Variants in NCOR1 observed in about 807,000 individuals in gnomAD.
NCOR1 encodes the protein protein phosphatase 1, regulatory subunit 109.
NCOR1 carries 63 observed loss-of-function variants against 288.1 expected under a neutral mutation model. The ratio of observed to expected loss-of-function variants is 0.22; its 90% CI spans 0.18 to 0.27. NCOR1 has a LOEUF of 0.27. Ranked by LOEUF, NCOR1 falls within the 10% of genes least tolerant of loss-of-function variation. The probability of loss-of-function intolerance (pLI) is 1.00; values close to 1 mark genes in which losing one functional copy is unlikely to be tolerated. For synonymous variants in NCOR1, 1,007 were observed against 1,065.9 expected (o/e 0.94, Z 1.08); for missense variants, 2,397 against 3,019.2 (o/e 0.79, Z 4.83).
At chr17:16,143,723 A>G (rs776941278) in intron 10 of NCOR1, 27 bp from the exon 11 acceptor site, 3 of 1,513,668 alleles carry the variant, frequency 2.0e-6, no homozygotes, top group South Asian at 1.2e-5. Context: ...AATTAAAAAT[A>G]TATTTAAAGA....
chr17:16,140,997 C>CAAAAAAAAAAAAAAAAAAG (rs372397821), intron 11 of NCOR1, among the ~76,000 whole-genome samples: 1 of 113,700 alleles, frequency 8.8e-6, no homozygotes, highest in Admixed American at 9.2e-5. Flanking sequence ...TCTCCTATCT[C>CAAAAAAAAAAAAAAAAAAG]AAAAAAAAAA....
chr17:16,053,091 C>T (rs1295035573), intron 40 of NCOR1, among the ~76,000 whole-genome samples: 2 of 152,190 alleles, frequency 1.3e-5, no homozygotes, highest in East Asian at 1.9e-4. Context: ...CAACATCATA[C>T]TGAATGGGCA....
intron 41 of NCOR1, among the ~76,000 whole-genome samples, chr17:16,047,408 GCT>G (rs2058795541): frequency 6.6e-6 from 1 of 152,148 alleles, no homozygotes; most frequent in Non-Finnish European, 1.5e-5. Flanking sequence ...AGCTTATGAT[GCT>G]CTCTCCTTAA....
At chr17:16,190,515 G>A (rs1045342717) in intron 2 of NCOR1, among the ~76,000 whole-genome samples, 3 of 137,186 alleles carry the variant, frequency 2.2e-5, no homozygotes. Context: ...TTTTTTTTTT[G>A]TATTTTTAGT....
rs142164650 is a variant in NCOR1 at position 16,210,245 on chromosome 17, G to A, written c.-71+5117C>T. On this transcript the variant is annotated intron_variant, in intron 1 of 45. Coordinates refer to ENST00000268712, the MANE Select transcript of NCOR1 (RefSeq NM_006311.4). ...CTAAAAAATACAAAATTAGCAGGGC[G>A]TGGTGGTGCATGCCTGTAATCCCAG... is the stretch of plus-strand genomic sequence containing the variant. Among the ~76,000 whole-genome samples, 842 of 151,528 alleles carry A rather than the reference G, an allele frequency of 5.6e-3. 8 individuals are homozygous for A. The highest frequency in any genetic ancestry group is 0.019 in the African/African-American group (779 of 41,328).
At chr17:16,098,561 A>AT in intron 20 of NCOR1, 65 bp from the exon 21 acceptor site, 1 of 1,444,892 alleles carries the variant, frequency 6.9e-7, no homozygotes, top group Non-Finnish European at 9.5e-7. Context: ...TATAATCACT[A>AT]TAAGTTCTTC....
chr17:16,044,923 A>C, intron 42 of NCOR1: 1 of 657,168 alleles, frequency 1.5e-6, no homozygotes, highest in South Asian at 1.5e-5. Context: ...GAATCTGAGG[A>C]GTCTGATGAT....
At chr17:16,113,251 C>CAA (rs764606827) in intron 18 of NCOR1, among the ~76,000 whole-genome samples, 1 of 135,252 alleles carries the variant, frequency 7.4e-6, no homozygotes, top group African/African-American at 2.7e-5. Flanking sequence ...AACCATTTTC[C>CAA]AAAAAAAAAA....
chr17:16,164,966 C>G lies in NCOR1; in HGVS notation c.618+13G>C, dbSNP rs760124873. 6.5e-7 allele frequency: 1 copy of G among 1,536,558 alleles called. No homozygotes were observed. The highest frequency in any genetic ancestry group is 8.8e-7 in the Non-Finnish European group (1 of 1,140,936). On this transcript the variant is annotated intron_variant, in intron 5 of 45. Transcript: ENST00000268712. The stretch of plus-strand genomic sequence containing the variant: ...ACATACATTCTTAGAATATATTAAG[C>G]AAAGACATTTACTTGTTTCTTTTTC...
At chr17:16,156,440 A>G (rs1249767127) in intron 6 of NCOR1, among the ~76,000 whole-genome samples, 1 of 148,200 alleles carries the variant, frequency 6.7e-6, no homozygotes, top group Non-Finnish European at 1.5e-5. Context: ...TGTCTCGAAA[A>G]AAAAAAGAAA....
At chr17:16,200,985 A>C (rs1568652948) in intron 1 of NCOR1, among the ~76,000 whole-genome samples, 1 of 152,242 alleles carries the variant, frequency 6.6e-6, no homozygotes, top group Non-Finnish European at 1.5e-5. Context: ...TGTAATTTGT[A>C]CAAGACCAGA....
At chr17:16,046,610 T>C (rs2058693390) in intron 42 of NCOR1, among the ~76,000 whole-genome samples, 1 of 152,178 alleles carries the variant, frequency 6.6e-6, no homozygotes, top group Admixed American at 6.5e-5. Flanking sequence ...GGAGATGTTA[T>C]GTGGGGATAG....
At position 16,079,771 on chromosome 17, in the gene NCOR1, T is replaced by C. The variant is rs1204941592; in HGVS notation, c.3501+193A>G. Among the ~76,000 whole-genome samples, 3 of 152,374 alleles carry C rather than the reference T, an allele frequency of 2.0e-5. No homozygotes were observed. The South Asian group carries it at 6.2e-4, about 32-fold the overall frequency. ...TGACCTTTTCAAATGAACCAAAGTATTCATAATATAGCTTGTAGTCAAAAT... is the reference window on the plus strand; with the variant it reads ...TGACCTTTTCAAATGAACCAAAGTACTCATAATATAGCTTGTAGTCAAAAT... On this transcript the variant is annotated intron_variant, in intron 26 of 45. Coordinates refer to ENST00000268712, the MANE Select transcript of NCOR1 (RefSeq NM_006311.4).
Position 16,196,966 on chromosome 17 carries a change from G to A in NCOR1, c.-70-2327C>T, listed in dbSNP as rs1178371856. ...CAGGAGGTCAAGACTGCAGTGAGCC[G>A]TGATTGTGCCACTGCACTCCAGCCT... On this transcript the variant is annotated intron_variant, in intron 1 of 45. Transcript: ENST00000268712. Among the ~76,000 whole-genome samples the A allele has an allele frequency of 4.6e-5, 7 of 151,964 alleles. No individual in the cohort carries two copies. The South Asian group carries it at 1.0e-3, about 23-fold the overall frequency.
chr17:16,212,388 G>C (rs2092217451), intron 1 of NCOR1, among the ~76,000 whole-genome samples: 1 of 152,008 alleles, frequency 6.6e-6, no homozygotes, highest in Non-Finnish European at 1.5e-5. Flanking sequence ...AACATAAAAA[G>C]CACCTCATAC....
chr17:16,035,883 TGAC>T (rs2056255999), intron 44 of NCOR1, among the ~76,000 whole-genome samples: 4 of 152,124 alleles, frequency 2.6e-5, no homozygotes, highest in Admixed American at 1.3e-4. Flanking sequence ...CTCCCTCCAC[TGAC>T]GTCTTGATCC....
At position 16,194,551 on chromosome 17, in the gene NCOR1, G is replaced by T; in HGVS notation, c.19C>A (p.Pro7Thr). MSSSGY[P>T]PNQGAFSTEQ... ...GTGCTGAATGCTCCTTGGTTGGGAG[G>T]ATAACCTGAACTTGACATTATCAGT... is the stretch of plus-strand genomic sequence containing the variant. The change falls in exon 2 of 46, where the codon CCT becomes ACT. Residue 7 changes from proline (P) to threonine (T), a missense_variant. By Grantham distance (38) the Pro-to-Thr change is conservative (BLOSUM62 -1). This residue lies in a region of NCOR1 where 55 missense variants were observed against 69.6 expected (regional missense o/e 0.79). Transcript: ENST00000268712. The T allele has an allele frequency of 6.2e-7, 1 of 1,603,736 alleles. No homozygotes were observed. Among genetic ancestry groups the T allele is most frequent in the Non-Finnish European group, 8.5e-7 (1 of 1,174,166 alleles).
intron 2 of NCOR1, among the ~76,000 whole-genome samples, chr17:16,187,526 C>A (rs2086918168): frequency 7.2e-6 from 1 of 138,478 alleles, no homozygotes; most frequent in African/African-American, 2.6e-5. Flanking sequence ...ACATAGAAAA[C>A]ATTATACTAA....
intron 2 of NCOR1, among the ~76,000 whole-genome samples, chr17:16,188,543 G>A (rs1405966687): frequency 2.0e-5 from 3 of 151,774 alleles, no homozygotes; most frequent in Non-Finnish European, 4.4e-5. Context: ...CCCAGGAGGG[G>A]GAGGGTGCAG....
Sources: allele counts gnomAD v4.1 joint callset (sites outside exome capture counted in the v4.1 genomes callset), GRCh38; gene constraint gnomAD v4.1.1; regional missense constraint gnomAD v4.1.1; transcripts MANE v1.5; gene names NCBI Gene and HGNC (gene_info 2026-07-23, HGNC 2026-07-21).